The following ZMYND8 variants were observed in gnomAD, a reference collection of about 807,000 sequenced individuals.
ZMYND8 encodes the protein zinc finger MYND-type containing 8.
In ZMYND8, 37 loss-of-function variants were observed where a neutral mutation model predicts 140.8. The ratio of observed to expected loss-of-function variants is 0.26; its 90% CI spans 0.20 to 0.35. ZMYND8 has a LOEUF of 0.35. ZMYND8 is among the 10% of genes least tolerant of loss of function. The pLI is 1.00. For missense variants in ZMYND8, 1,068 were observed against 1,570.0 expected, an observed-to-expected ratio of 0.68 and a Z score of 5.40; for synonymous variants, 592 against 597.1, an observed-to-expected ratio of 0.99 and a Z score of 0.12.
chr20:47,248,934 A>T (rs1408181980), intron 13 of ZMYND8, among the ~76,000 whole-genome samples: 2 of 151,710 alleles, frequency 1.3e-5, no homozygotes, highest in Non-Finnish European at 2.9e-5. Flanking sequence ...GGACACCTAC[A>T]GAACACACTC....
chr20:47,270,933 C>T (rs1411881394), intron 11 of ZMYND8, among the ~76,000 whole-genome samples: 6 of 151,766 alleles, frequency 4.0e-5, no homozygotes, highest in African/African-American at 9.7e-5. Context: ...AAAAATTAGC[C>T]GGGCGTGGCG....
intron 2 of ZMYND8, among the ~76,000 whole-genome samples, chr20:47,345,598 C>T (rs995809170): frequency 1.3e-5 from 2 of 151,746 alleles, no homozygotes; most frequent in Non-Finnish European, 2.9e-5. Flanking sequence ...ACCTCCGCCT[C>T]CTGGGTTCAA....
intron 13 of ZMYND8, 84 bp downstream of exon 13, chr20:47,249,203 A>ACC: frequency 6.6e-7 from 1 of 1,505,820 alleles, no homozygotes; most frequent in South Asian, 1.3e-5. Context: ...CCAGGATTCA[A>ACC]CCTTGATTTC....
In ZMYND8 at chr20:47,221,345, G is replaced by A. The variant is rs557770952; in HGVS notation, c.3386C>T (p.Thr1129Met). Reference protein sequence around the residue: ...ETASASKEKETSAEKSKESGS... With the variant: ...ETASASKEKEMSAEKSKESGS... ...ACTCTCCTTGCTTTTCTCAGCTGACGTCTCCTTCTCTTTGGAGGCGCTGGC... is the reference window on the plus strand; with the variant it reads ...ACTCTCCTTGCTTTTCTCAGCTGACATCTCCTTCTCTTTGGAGGCGCTGGC... The change falls in exon 20 of 23, where the codon ACG becomes ATG. Residue 1129 changes from threonine (T) to methionine (M), a missense_variant. By Grantham distance (81) the Thr-to-Met change is moderately conservative. This residue lies in a region of ZMYND8 where 180 missense variants were observed against 187.8 expected (regional missense o/e 0.96). Coordinates refer to ENST00000471951, the MANE Select transcript of ZMYND8 (RefSeq NM_001281775.3). 1.4e-5 allele frequency: 23 copies of A among 1,614,176 alleles called. No homozygotes were observed. The highest frequency in any genetic ancestry group is 5.0e-5 in the Admixed American group (3 of 60,018).
At position 47,219,393 on chromosome 20, in the gene ZMYND8, G is replaced by A. The variant is rs183959536; in HGVS notation, c.3484+865C>T. On this transcript the variant is annotated intron_variant, in intron 21 of 22. Transcript: ENST00000471951. ...TTTAAAAAATTAGCCAGGCATGGTG[G>A]TGCGTCCCTGTAGTCCCAGCTACTT... Among the ~76,000 whole-genome samples the A allele has an allele frequency of 2.2e-3, 330 of 151,780 alleles. 9 individuals are homozygous for A. In the South Asian group the frequency reaches 0.046, roughly 21 times the overall value.
chr20:47,255,443 T>G (rs2074522931), intron 12 of ZMYND8, among the ~76,000 whole-genome samples: 1 of 151,148 alleles, frequency 6.6e-6, no homozygotes, highest in African/African-American at 2.4e-5. Context: ...GCGTGGTAGC[T>G]CACACCTGTA....
At chr20:47,288,189 G>A (rs1245956738) in intron 7 of ZMYND8, among the ~76,000 whole-genome samples, 1 of 152,044 alleles carries the variant, frequency 6.6e-6, no homozygotes, top group African/African-American at 2.4e-5. Flanking sequence ...ATAATCAATG[G>A]AGCACTGGAG....
chr20:47,215,551 G>C (rs1052248054), intron 21 of ZMYND8, among the ~76,000 whole-genome samples: 8 of 150,684 alleles, frequency 5.3e-5, no homozygotes, highest in African/African-American at 2.0e-4. Context: ...CTGTTGCCCA[G>C]CTGGAGTGCA....
At chr20:47,299,351 T>C (rs1018073077) in intron 3 of ZMYND8, among the ~76,000 whole-genome samples, 2 of 152,204 alleles carry the variant, frequency 1.3e-5, no homozygotes, top group Non-Finnish European at 2.9e-5. Flanking sequence ...TAACACTTCA[T>C]GGTACTGTGT....
chr20:47,255,219 C>T (rs1191242775), intron 12 of ZMYND8, among the ~76,000 whole-genome samples: 1 of 152,034 alleles, frequency 6.6e-6, no homozygotes, highest in African/African-American at 2.4e-5. Context: ...TCTAGAAGGG[C>T]TCTAGAAACT....
intron 5 of ZMYND8, among the ~76,000 whole-genome samples, chr20:47,292,762 T>A (rs1364526559): frequency 1.3e-5 from 2 of 152,032 alleles, no homozygotes; most frequent in Non-Finnish European, 1.5e-5. Context: ...TTTCTCTTCA[T>A]CTGTAGGGGC....
At chr20:47,316,666 G>A (rs1296132561) in intron 2 of ZMYND8, among the ~76,000 whole-genome samples, 3 of 151,594 alleles carry the variant, frequency 2.0e-5, no homozygotes, top group Non-Finnish European at 4.4e-5. Context: ...GTGGTGGTGT[G>A]CGCCTGTAAT....
chr20:47,307,174 G>C (rs942393088), intron 3 of ZMYND8, among the ~76,000 whole-genome samples: 1 of 152,194 alleles, frequency 6.6e-6, no homozygotes, highest in African/African-American at 2.4e-5. Context: ...AACTTGGCCA[G>C]GCACGGTGGC....
At chr20:47,223,532 A>C (rs967294936) in intron 19 of ZMYND8, among the ~76,000 whole-genome samples, 6 of 150,142 alleles carry the variant, frequency 4.0e-5, no homozygotes, top group Non-Finnish European at 8.9e-5. Context: ...TAATTCATAA[A>C]ATATTATTGA....
At chr20:47,293,990 G>C (rs1407347834) in intron 5 of ZMYND8, among the ~76,000 whole-genome samples, 1 of 151,824 alleles carries the variant, frequency 6.6e-6, no homozygotes, top group Non-Finnish European at 1.5e-5. Flanking sequence ...CTTCCCCTTC[G>C]CCTTCCACCA....
chr20:47,277,418 A>C (rs1031844522), intron 10 of ZMYND8, among the ~76,000 whole-genome samples: 2 of 152,232 alleles, frequency 1.3e-5, no homozygotes, highest in Non-Finnish European at 2.9e-5. Flanking sequence ...CAGAACAAAC[A>C]ATGCCAGCAG....
intron 4 of ZMYND8, among the ~76,000 whole-genome samples, chr20:47,295,648 C>T (rs1408742768): frequency 6.6e-6 from 1 of 152,148 alleles, no homozygotes; most frequent in Non-Finnish European, 1.5e-5. Context: ...TACTTTGAAC[C>T]CACCTAAGGC....
intron 8 of ZMYND8, among the ~76,000 whole-genome samples, chr20:47,285,050 G>A: frequency 6.6e-6 from 1 of 152,088 alleles, no homozygotes; most frequent in Non-Finnish European, 1.5e-5. Flanking sequence ...TAAGAATTCT[G>A]TAAGTATTAA....
At chr20:47,270,590 G>A (rs979745299) in intron 11 of ZMYND8, among the ~76,000 whole-genome samples, 5 of 150,576 alleles carry the variant, frequency 3.3e-5, no homozygotes, top group Admixed American at 2.0e-4. Context: ...GCTGGGTGTG[G>A]TGGTATGTGC....
Sources: allele counts gnomAD v4.1 joint callset (sites outside exome capture counted in the v4.1 genomes callset), GRCh38; gene constraint gnomAD v4.1.1; regional missense constraint gnomAD v4.1.1; transcripts MANE v1.5; gene names NCBI Gene and HGNC (gene_info 2026-07-23, HGNC 2026-07-21).